CAMK1D: variants seen among roughly 807,000 people sequenced by gnomAD.
CAMK1D encodes the protein calcium/calmodulin dependent protein kinase ID, also known as calcium/calmodulin-dependent protein kinase type 1D.
A neutral mutation model predicts 47.7 loss-of-function variants in CAMK1D; 9 were observed. That is an observed-to-expected ratio of 0.19 (90% CI 0.11 to 0.33). The LOEUF is 0.33. CAMK1D is among the 10% of genes least tolerant of loss of function. The pLI, the probability that CAMK1D is intolerant of heterozygous loss-of-function variation, is 1.00. For missense variants in CAMK1D, 291 were observed against 488.7 expected (o/e 0.60, Z 3.81); for synonymous variants, 184 against 184.9 (o/e 0.99, Z 0.04).
At chr10:12,593,844 G>A (rs1205040993) in intron 2 of CAMK1D, among the ~76,000 whole-genome samples, 1 of 152,184 alleles carries the variant, frequency 6.6e-6, no homozygotes, top group East Asian at 1.9e-4. Context: ...TGGTCAGGCA[G>A]TTTTTGTGCT....
intron 1 of CAMK1D, among the ~76,000 whole-genome samples, chr10:12,454,944 C>G (rs772892338): frequency 3.3e-5 from 5 of 152,162 alleles, no homozygotes; most frequent in African/African-American, 7.2e-5. Context: ...ACATAAGATC[C>G]CTTATTTAGG....
chr10:12,361,684 T>C lies in CAMK1D; in HGVS notation c.92+11774T>C, dbSNP rs1196458652. On this transcript the variant is annotated intron_variant, in intron 1 of 10. Coordinates refer to ENST00000619168, the MANE Select transcript of CAMK1D (RefSeq NM_153498.4). ...GATTCTCCTGCCTCAGCCTCCCGAG[T>C]AGCTGGGATTACAGGCGCCCACCAC... Among the ~76,000 whole-genome samples the C allele has an allele frequency of 2.0e-5, 3 of 150,332 alleles. No individual in the cohort carries two copies. In the Admixed American group the frequency reaches 2.0e-4, roughly 10 times the overall value.
At chr10:12,463,954 CCTTCTGCCTTGCTTCCT>C (rs910892180) in intron 1 of CAMK1D, among the ~76,000 whole-genome samples, 2 of 152,054 alleles carry the variant, frequency 1.3e-5, no homozygotes, top group African/African-American at 2.4e-5. Context: ...CCTTGCTTCC[CCTTCTGCCTTGCTTCCT>C]TCCTCTTCCA....
intron 1 of CAMK1D, among the ~76,000 whole-genome samples, chr10:12,462,147 C>T (rs1833448179): frequency 7.1e-6 from 1 of 140,010 alleles, no homozygotes; most frequent in African/African-American, 2.6e-5. Flanking sequence ...AATTTCTGGC[C>T]TATGAAGAGT....
At position 12,694,880 on chromosome 10, in the gene CAMK1D, T is replaced by G. The variant is rs58659476; in HGVS notation, c.299+28070T>G. 4.8e-3 allele frequency among the ~76,000 whole-genome samples: 731 copies of G among 152,016 alleles called. 10 individuals are homozygous for G. Among genetic ancestry groups the G allele is most frequent in the African/African-American group, 0.016 (682 of 41,482 alleles). On this transcript the variant is annotated intron_variant, in intron 3 of 10. Transcript: ENST00000619168. ...TCAAAGTATTACAAAGAAACAAACT[T>G]TAAACCTGTAATTTTGTATTTTGCT... is the stretch of plus-strand genomic sequence containing the variant.
intron 1 of CAMK1D, among the ~76,000 whole-genome samples, chr10:12,545,717 T>C (rs1471095070): frequency 6.6e-6 from 1 of 150,838 alleles, no homozygotes; most frequent in African/African-American, 2.4e-5. Context: ...GGGGAATCGC[T>C]TGAACCAGGG....
intron 1 of CAMK1D, among the ~76,000 whole-genome samples, chr10:12,527,769 T>A (rs974608070): frequency 3.9e-5 from 6 of 152,214 alleles, no homozygotes; most frequent in Non-Finnish European, 7.3e-5. Context: ...TCGACTTCAC[T>A]GTCAATCTCT....
chr10:12,404,697 A>C (rs1564318208), intron 1 of CAMK1D, among the ~76,000 whole-genome samples: 1 of 144,794 alleles, frequency 6.9e-6, no homozygotes, highest in African/African-American at 2.6e-5. Flanking sequence ...TGTTTTTAAA[A>C]ATTTTTTTTT....
At chr10:12,658,590 G>C (rs1249152331) in intron 2 of CAMK1D, among the ~76,000 whole-genome samples, 2 of 152,116 alleles carry the variant, frequency 1.3e-5, no homozygotes, top group Non-Finnish European at 2.9e-5. Flanking sequence ...TCCCCATCCT[G>C]TGCCTATAAA....
intron 1 of CAMK1D, among the ~76,000 whole-genome samples, chr10:12,475,677 A>G (rs1296735648): frequency 6.6e-6 from 1 of 152,144 alleles, no homozygotes; most frequent in East Asian, 1.9e-4. Flanking sequence ...GAGTTTGGGA[A>G]CTAGGATTAG....
chr10:12,488,298 G>A (rs1834276219), intron 1 of CAMK1D, among the ~76,000 whole-genome samples: 1 of 152,124 alleles, frequency 6.6e-6, no homozygotes, highest in African/African-American at 2.4e-5. Flanking sequence ...TGTGCACCCT[G>A]GATGAGTATA....
intron 5 of CAMK1D, among the ~76,000 whole-genome samples, chr10:12,780,894 G>A (rs545079558): frequency 6.6e-6 from 1 of 152,222 alleles, no homozygotes; most frequent in South Asian, 2.1e-4. Flanking sequence ...TTATCACACC[G>A]TGGGCTGCAG....
chr10:12,405,920 G>A (rs561038762), intron 1 of CAMK1D, among the ~76,000 whole-genome samples: 11 of 152,302 alleles, frequency 7.2e-5, no homozygotes, highest in South Asian at 6.2e-4. Flanking sequence ...CTTAAATGGC[G>A]TTTTTATGTG....
intron 2 of CAMK1D, among the ~76,000 whole-genome samples, chr10:12,595,342 G>GAAAAAAA (rs535214333): frequency 0.05 from 1,181 of 23,482 alleles, 422 homozygotes; most frequent in Middle Eastern, 0.17. Flanking sequence ...AACTCCATCT[G>GAAAAAAA]AAAAAAAAAA....
chr10:12,559,955 G>C (rs1231321318), intron 2 of CAMK1D, among the ~76,000 whole-genome samples: 3 of 152,192 alleles, frequency 2.0e-5, no homozygotes, highest in Non-Finnish European at 4.4e-5. Flanking sequence ...TGTGGTGGGA[G>C]AGTGAGTTAG....
At chr10:12,422,021 C>A (rs1355401530) in intron 1 of CAMK1D, among the ~76,000 whole-genome samples, 1 of 152,116 alleles carries the variant, frequency 6.6e-6, no homozygotes, top group Admixed American at 6.6e-5. Context: ...GTTCGTCAGG[C>A]TGGTCTTGAA....
chr10:12,559,567 C>T (rs1230683024), intron 2 of CAMK1D, among the ~76,000 whole-genome samples: 6 of 152,112 alleles, frequency 3.9e-5, no homozygotes, highest in Non-Finnish European at 7.3e-5. Context: ...AAACACAAGC[C>T]AGGCAATGTT....
At chr10:12,590,706 G>A (rs1837971030) in intron 2 of CAMK1D, among the ~76,000 whole-genome samples, 1 of 152,308 alleles carries the variant, frequency 6.6e-6, no homozygotes, top group South Asian at 2.1e-4. Flanking sequence ...TAAAGCTGCC[G>A]CCTGTAGAAT....
chr10:12,529,735 A>G (rs1393377372), intron 1 of CAMK1D, among the ~76,000 whole-genome samples: 7 of 152,224 alleles, frequency 4.6e-5, no homozygotes, highest in African/African-American at 1.7e-4. Context: ...GTCTCTTTTA[A>G]GCAAACGTAA....
Sources: gnomAD v4.1 joint callset for allele counts (sites outside exome capture counted in the v4.1 genomes callset) on GRCh38, gnomAD v4.1.1 for gene constraint, MANE v1.5 for transcripts, NCBI Gene and HGNC (gene_info 2026-07-23, HGNC 2026-07-21) for gene names.